The following CFAP119 variants were observed in gnomAD, a reference collection of about 807,000 sequenced individuals.
CFAP119 encodes the protein cilia- and flagella-associated protein 119.
chr16:30,761,771 A>G, the CFAP119 span: 6 of 1,506,248 alleles, frequency 4.0e-6, no homozygotes, highest in Non-Finnish European at 5.3e-6. Flanking sequence ...CCGTGCCGCG[A>G]GGCGCCCCGG....
chr16:30,757,660 G>A, the CFAP119 span: 2 of 1,607,854 alleles, frequency 1.2e-6, no homozygotes, highest in East Asian at 2.2e-5. Flanking sequence ...GTGGCCTGCA[G>A]GGGCAGGGAA....
At chr16:30,759,261 C>T in the CFAP119 span, 1 of 1,613,998 alleles carries the variant, frequency 6.2e-7, no homozygotes. Flanking sequence ...GGAAGCAAGG[C>T]AGAGGGAGGC....
At chr16:30,759,788 A>C in the CFAP119 span, 1 of 1,545,194 alleles carries the variant, frequency 6.5e-7, no homozygotes, top group Non-Finnish European at 8.7e-7. Flanking sequence ...CACTTCACTC[A>C]ACAGCTGTTT....
chr16:30,759,371 T>C, the CFAP119 span: 1 of 1,614,170 alleles, frequency 6.2e-7, no homozygotes. Context: ...TTATAGAGCT[T>C]GAAGTGGCGG....
At chr16:30,761,874 G>A in the CFAP119 span, 1 of 968,740 alleles carries the variant, frequency 1.0e-6, no homozygotes, top group Non-Finnish European at 1.5e-6. Context: ...TCTACGCGCG[G>A]AGAGGCGCGG....
chr16:30,758,911 TCTGA>T, the CFAP119 span: 1 of 1,531,316 alleles, frequency 6.5e-7, no homozygotes, highest in Non-Finnish European at 8.7e-7. Flanking sequence ...GAGAAAGGAC[TCTGA>T]CTAAAAACAA....
the CFAP119 span, chr16:30,761,929 G>C: frequency 1.6e-6 from 1 of 624,616 alleles, no homozygotes; most frequent in Non-Finnish European, 2.7e-6. Flanking sequence ...CAACGGCGAC[G>C]GTTGCCAAGG....
the CFAP119 span, chr16:30,760,260 A>T: frequency 1.2e-6 from 2 of 1,614,098 alleles, no homozygotes; most frequent in Non-Finnish European, 1.7e-6. Flanking sequence ...CTGGGGCTCA[A>T]ACCTGGTAGC....
At chr16:30,761,255 A>C in the CFAP119 span, 1 of 1,613,628 alleles carries the variant, frequency 6.2e-7, no homozygotes, top group Non-Finnish European at 8.5e-7. Context: ...GAATTGGGGA[A>C]GGCAGCTGCG....
At chr16:30,757,718 C>G in the CFAP119 span, 1 of 1,528,480 alleles carries the variant, frequency 6.5e-7, no homozygotes, top group African/African-American at 1.4e-5. Flanking sequence ...GGGGGATGGT[C>G]CCTAGTTGGG....
chr16:30,761,190 ACACT>A, the CFAP119 span: 28 of 1,613,742 alleles, frequency 1.7e-5, no homozygotes, highest in Non-Finnish European at 2.3e-5. Context: ...TTGTCTCTTC[ACACT>A]CACCACATGC....
chr16:30,760,722 C>A, the CFAP119 span: 2 of 1,483,386 alleles, frequency 1.3e-6, no homozygotes, highest in Middle Eastern at 1.7e-4. Flanking sequence ...CATGACAAGG[C>A]TGTGACAGCT....
the CFAP119 span, chr16:30,759,309 G>A: frequency 9.9e-6 from 16 of 1,612,606 alleles, no homozygotes; most frequent in Non-Finnish European, 1.4e-5. Flanking sequence ...AGGGGCGGTT[G>A]AGGGTGGCTC....
chr16:30,758,936 G>A, the CFAP119 span: 10 of 1,583,484 alleles, frequency 6.3e-6, no homozygotes, highest in Non-Finnish European at 7.7e-6. Context: ...AAAGTCTGAA[G>A]TCCTGATGTC....
the CFAP119 span, chr16:30,759,059 G>C: frequency 6.2e-7 from 1 of 1,614,152 alleles, no homozygotes; most frequent in Non-Finnish European, 8.5e-7. Flanking sequence ...CTCTTTCTGC[G>C]GGGTAACTGC....
At chr16:30,760,034 G>A in the CFAP119 span, 3 of 1,502,472 alleles carry the variant, frequency 2.0e-6, no homozygotes, top group East Asian at 2.5e-5. Flanking sequence ...TCTAAAGCAG[G>A]TGTTATTGTG....
chr16:30,758,173 T>G, the CFAP119 span: 1 of 151,554 alleles, frequency 6.6e-6, no homozygotes, highest in Non-Finnish European at 1.5e-5. Context: ...CCCAGGTTCA[T>G]GCCATTCTCC....
the CFAP119 span, chr16:30,760,476 G>C: frequency 1.9e-6 from 3 of 1,613,108 alleles, no homozygotes; most frequent in Non-Finnish European, 2.5e-6. Flanking sequence ...AGAGGAGTGA[G>C]TGACAACTGG....
the CFAP119 span, chr16:30,760,550 A>G: frequency 6.3e-7 from 1 of 1,592,280 alleles, no homozygotes; most frequent in Non-Finnish European, 8.6e-7. Context: ...ATGTTTTCCC[A>G]ACCTGACCCC....
Sources: allele counts gnomAD v4.1 joint callset, GRCh38; gene constraint gnomAD v4.1.1; transcripts MANE v1.5; gene names NCBI Gene and HGNC (gene_info 2026-07-23, HGNC 2026-07-21).